BMP5: variants seen among roughly 807,000 people sequenced by gnomAD.
The protein encoded by BMP5 is bone morphogenetic protein 5.
In BMP5, 23 loss-of-function variants were observed where a neutral mutation model predicts 46.6. That is an observed-to-expected ratio of 0.49 (90% CI 0.35 to 0.70). The LOEUF is 0.70. Among genes scored for constraint, BMP5 ranks in the 30% least tolerant of loss-of-function variants. The pLI, the probability that BMP5 is intolerant of heterozygous loss-of-function variation, is 0.00. For missense variants in BMP5, 545 were observed against 565.6 expected (o/e 0.96, Z 0.37); for synonymous variants, 204 against 191.9 (o/e 1.06, Z -0.52).
intron 1 of BMP5, among the ~76,000 whole-genome samples, chr6:55,847,590 T>G (rs1777129132): frequency 6.6e-6 from 1 of 151,964 alleles, no homozygotes; most frequent in Admixed American, 6.6e-5. Flanking sequence ...ATTCATTGAC[T>G]TCAATGACAA....
intron 4 of BMP5, among the ~76,000 whole-genome samples, chr6:55,762,142 T>C (rs1774800412): frequency 6.6e-6 from 1 of 152,160 alleles, no homozygotes; most frequent in Admixed American, 6.6e-5. Flanking sequence ...TTATGGAACA[T>C]TTTTCATTCT....
chr6:55,786,510 C>T (rs1775454127), intron 3 of BMP5, among the ~76,000 whole-genome samples: 1 of 151,402 alleles, frequency 6.6e-6, no homozygotes, highest in African/African-American at 2.4e-5. Flanking sequence ...CTCAGTTTGC[C>T]TTTTATGCAC....
chr6:55,815,406 C>A (rs1313843483), intron 2 of BMP5, among the ~76,000 whole-genome samples: 1 of 151,970 alleles, frequency 6.6e-6, no homozygotes, highest in East Asian at 1.9e-4. Flanking sequence ...TAAATAGAAA[C>A]CTATCAAATC....
Position 55,764,436 on chromosome 6 carries a change from A to G in BMP5, c.1028-3903T>C, listed in dbSNP as rs562368058. 1.5e-3 allele frequency among the ~76,000 whole-genome samples: 223 copies of G among 151,930 alleles called. 1 individual carries two copies. The highest frequency in any genetic ancestry group is 1.7e-3 in the South Asian group (8 of 4,820). On this transcript the variant is annotated intron_variant, in intron 4 of 6. Transcript: ENST00000370830. ...AAAATACGAAAAATTAGCCAGGCGT[A>G]GTGGCGGACGCCTGTAGTCCCAGCT...
At chr6:55,873,970 C>G (rs1777842188) in intron 1 of BMP5, among the ~76,000 whole-genome samples, 1 of 151,980 alleles carries the variant, frequency 6.6e-6, no homozygotes, top group African/African-American at 2.4e-5. Flanking sequence ...TATATACTTA[C>G]ATGTGCTTTA....
intron 1 of BMP5, among the ~76,000 whole-genome samples, chr6:55,848,158 C>A (rs1196014409): frequency 6.6e-6 from 1 of 151,944 alleles, no homozygotes; most frequent in Admixed American, 6.6e-5. Flanking sequence ...TTCTATAACA[C>A]TGCCTGTAAA....
At chr6:55,857,144 A>T (rs1389956797) in intron 1 of BMP5, among the ~76,000 whole-genome samples, 1 of 152,156 alleles carries the variant, frequency 6.6e-6, no homozygotes, top group Non-Finnish European at 1.5e-5. Context: ...TGCAGTCCTG[A>T]TATACCTTAT....
chr6:55,807,133 T>A (rs1215202287), intron 2 of BMP5, among the ~76,000 whole-genome samples: 1 of 152,178 alleles, frequency 6.6e-6, no homozygotes, highest in East Asian at 1.9e-4. Flanking sequence ...AGAGGGGGCA[T>A]CCTTATCTTG....
chr6:55,826,097 T>C (rs1776525328), intron 1 of BMP5, among the ~76,000 whole-genome samples: 1 of 151,842 alleles, frequency 6.6e-6, no homozygotes, highest in South Asian at 2.1e-4. Context: ...CTATAAAGAC[T>C]TATTTATTGG....
chr6:55,780,647 T>C (rs1427173476), intron 3 of BMP5, among the ~76,000 whole-genome samples: 1 of 151,966 alleles, frequency 6.6e-6, no homozygotes, highest in African/African-American at 2.4e-5. Flanking sequence ...CAGAAGATAC[T>C]GTCGTGCCCC....
At chr6:55,764,512 G>T (rs1774871041) in intron 4 of BMP5, among the ~76,000 whole-genome samples, 1 of 150,496 alleles carries the variant, frequency 6.6e-6, no homozygotes, top group Non-Finnish European at 1.5e-5. Context: ...GGCGGAGCTT[G>T]CAGTGAGCGA....
At chr6:55,799,202 T>C (rs778797703) in intron 2 of BMP5, among the ~76,000 whole-genome samples, 6 of 152,162 alleles carry the variant, frequency 3.9e-5, no homozygotes, top group Non-Finnish European at 5.9e-5. Flanking sequence ...ATACTTTGAA[T>C]ATCTATCTGG....
At position 55,755,109 on chromosome 6, in the gene BMP5, T is replaced by G. The variant is rs957825002; in HGVS notation, c.*424A>C. Reference sequence around the variant, plus strand: ...TTGTTATTTTTTTAAGTCTTATTTCTAAATAAATATTCTATCATGGTTTTC... The same window carrying G: ...TTGTTATTTTTTTAAGTCTTATTTCGAAATAAATATTCTATCATGGTTTTC... On this transcript the variant is annotated 3_prime_UTR_variant, in exon 7 of 7. Coordinates refer to ENST00000370830, the MANE Select transcript of BMP5 (RefSeq NM_021073.4). 2.6e-5 allele frequency: 4 copies of G among 152,470 alleles called. No homozygotes were observed. The highest frequency in any genetic ancestry group is 5.9e-5 in the Non-Finnish European group (4 of 68,302). 9.4% of individuals were successfully genotyped at this position (152,470 alleles called of 1,614,324 possible). A position where few individuals can be genotyped will look rare whatever the true frequency, so the allele number is the denominator to read the frequency against.
chr6:55,839,958 T>C (rs1318997705), intron 1 of BMP5, among the ~76,000 whole-genome samples: 1 of 152,130 alleles, frequency 6.6e-6, no homozygotes, highest in Non-Finnish European at 1.5e-5. Flanking sequence ...TGCTTGGTTC[T>C]GTATGTATAT....
At chr6:55,772,800 C>T in intron 4 of BMP5, 2 of 985,024 alleles carry the variant, frequency 2.0e-6, no homozygotes, top group Non-Finnish European at 2.4e-6. Context: ...AGAAATCTTC[C>T]CTCCTGCTTC....
chr6:55,866,663 A>G (rs946600548), intron 1 of BMP5, among the ~76,000 whole-genome samples: 4 of 152,134 alleles, frequency 2.6e-5, no homozygotes, highest in African/African-American at 4.8e-5. Flanking sequence ...TGCAGTCCGC[A>G]GTTCATATTG....
chr6:55,797,121 G>C (rs987784824), intron 2 of BMP5, among the ~76,000 whole-genome samples: 2 of 152,106 alleles, frequency 1.3e-5, no homozygotes, highest in African/African-American at 4.8e-5. Flanking sequence ...AAACACAGTG[G>C]TAATAATTCT....
chr6:55,851,790 C>T (rs1015381452), intron 1 of BMP5, among the ~76,000 whole-genome samples: 1 of 151,962 alleles, frequency 6.6e-6, no homozygotes, highest in African/African-American at 2.4e-5. Flanking sequence ...TAGAAAGCAC[C>T]TGATAATAAA....
chr6:55,819,842 T>A lies in BMP5; in HGVS notation c.496A>T (p.Arg166Ter). ...CGCTGGTGAGAAAAATCCTTGTCTC[T>A]TTCAACTGAAAAAATAAAGGGGGTT... ...MVMSFVNLVE[R>*]DKDFSHQRRH... The change falls in exon 2 of 7, where the codon AGA becomes TGA. Residue 166 changes from arginine to a stop codon, truncating the protein, a stop_gained. Transcript: ENST00000370830. LOFTEE classifies it high-confidence loss of function. 1.9e-6 allele frequency: 3 copies of A among 1,613,352 alleles called. No individual in the cohort carries two copies. Among genetic ancestry groups the A allele is most frequent in the Non-Finnish European group, 2.5e-6 (3 of 1,179,498 alleles).
Sources: gnomAD v4.1 joint callset for allele counts (sites outside exome capture counted in the v4.1 genomes callset) on GRCh38, gnomAD v4.1.1 for gene constraint, MANE v1.5 for transcripts, NCBI Gene and HGNC (gene_info 2026-07-23, HGNC 2026-07-21) for gene names.